TMEM132D: variants seen among roughly 807,000 people sequenced by gnomAD.
The protein encoded by TMEM132D is mature OL transmembrane protein.
Under a neutral mutation model 62.3 loss-of-function variants are expected in TMEM132D, and 21 were observed. That is an observed-to-expected ratio of 0.34 (90% confidence interval 0.24 to 0.49). The LOEUF is 0.49. Among genes scored for constraint, TMEM132D ranks in the 20% least tolerant of loss-of-function variants. The pLI is 0.99. For synonymous variants in TMEM132D, 621 were observed against 575.6 expected, an observed-to-expected ratio of 1.08 and a Z score of -1.13; for missense variants, 1,346 against 1,402.8, an observed-to-expected ratio of 0.96 and a Z score of 0.65.
At chr12:129,403,180 A>C (rs1032741079) in intron 3 of TMEM132D, among the ~76,000 whole-genome samples, 13 of 151,098 alleles carry the variant, frequency 8.6e-5, no homozygotes, top group African/African-American at 2.7e-4. Flanking sequence ...CAGAGGAAAG[A>C]GGTCCCATGA....
intron 1 of TMEM132D, among the ~76,000 whole-genome samples, chr12:129,874,011 A>AG (rs1466368333): frequency 2.0e-5 from 3 of 152,188 alleles, no homozygotes; most frequent in Non-Finnish European, 4.4e-5. Flanking sequence ...ACTAAACCTC[A>AG]GGCCCTGCTC....
At chr12:129,391,649 A>G (rs2135694300) in intron 3 of TMEM132D, among the ~76,000 whole-genome samples, 1 of 152,328 alleles carries the variant, frequency 6.6e-6, no homozygotes, top group Non-Finnish European at 1.5e-5. Context: ...CATTAAAATC[A>G]TCAGCAGTGC....
At chr12:129,148,645 A>G (rs1876981467) in intron 5 of TMEM132D, among the ~76,000 whole-genome samples, 1 of 152,210 alleles carries the variant, frequency 6.6e-6, no homozygotes, top group Non-Finnish European at 1.5e-5. Context: ...CTCTAAGATG[A>G]TAACTTTGTG....
chr12:129,245,313 G>A (rs185459227), intron 4 of TMEM132D, among the ~76,000 whole-genome samples: 1 of 152,280 alleles, frequency 6.6e-6, no homozygotes, highest in African/African-American at 2.4e-5. Flanking sequence ...ACAGTGTGTA[G>A]CTATAGCTTT....
chr12:129,095,316 T>C (rs765692603), intron 5 of TMEM132D, among the ~76,000 whole-genome samples: 1 of 149,766 alleles, frequency 6.7e-6, no homozygotes, highest in African/African-American at 2.5e-5. Flanking sequence ...GTCACTAACA[T>C]AGGCCCCTAA....
intron 4 of TMEM132D, among the ~76,000 whole-genome samples, chr12:129,335,771 T>TA (rs1407362096): frequency 5.3e-5 from 8 of 152,218 alleles, no homozygotes; most frequent in Non-Finnish European, 1.0e-4. Context: ...TCTTTCATGC[T>TA]AAAAAAGTAG....
At chr12:129,876,423 A>G (rs1874418698) in intron 1 of TMEM132D, among the ~76,000 whole-genome samples, 1 of 152,248 alleles carries the variant, frequency 6.6e-6, no homozygotes, top group South Asian at 2.1e-4. Context: ...ATGATGGCTA[A>G]GGATTATTGG....
intron 5 of TMEM132D, among the ~76,000 whole-genome samples, chr12:129,192,097 C>A (rs1001011803): frequency 2.6e-5 from 4 of 152,176 alleles, no homozygotes; most frequent in Non-Finnish European, 2.9e-5. Flanking sequence ...CACTTCTGGT[C>A]TTCACCAGGG....
intron 4 of TMEM132D, among the ~76,000 whole-genome samples, chr12:129,270,714 C>T (rs2135600660): frequency 6.6e-6 from 1 of 152,240 alleles, no homozygotes; most frequent in African/African-American, 2.4e-5. Context: ...CAAGTTAAGT[C>T]ACAAGAATTA....
chr12:129,221,933 T>C (rs4760072), intron 4 of TMEM132D, among the ~76,000 whole-genome samples: 136,801 of 152,176 alleles, frequency 0.9, 61,547 homozygotes, highest in East Asian at 0.98. Flanking sequence ...GCAATAATGC[T>C]GTGTTGCTAT....
intron 3 of TMEM132D, among the ~76,000 whole-genome samples, chr12:129,417,427 C>G (rs1352878632): frequency 6.6e-6 from 1 of 152,142 alleles, no homozygotes; most frequent in Non-Finnish European, 1.5e-5. Context: ...TTTGACAAAT[C>G]TGACAAAAAC....
At chr12:129,760,036 T>C (rs1870301126) in intron 1 of TMEM132D, among the ~76,000 whole-genome samples, 1 of 151,898 alleles carries the variant, frequency 6.6e-6, no homozygotes, top group Admixed American at 6.6e-5. Context: ...TCCTAAGAAG[T>C]TGGGGCGACA....
chr12:129,662,791 C>CAAAAA (rs34743737), intron 2 of TMEM132D, among the ~76,000 whole-genome samples: 1 of 69,408 alleles, frequency 1.4e-5, no homozygotes, highest in Non-Finnish European at 2.6e-5. Flanking sequence ...GATTCCATCT[C>CAAAAA]AAAAAAAAAA....
intron 2 of TMEM132D, among the ~76,000 whole-genome samples, chr12:129,648,578 T>G (rs375982685): frequency 1.7e-3 from 252 of 152,346 alleles, no homozygotes; most frequent in African/African-American, 5.7e-3. Flanking sequence ...TGTTTTATGC[T>G]TCTCTTGTCA....
rs1226006812 is a variant in TMEM132D at position 129,357,074 on chromosome 12, G to A, written c.1116-19257C>T. 6.6e-5 allele frequency among the ~76,000 whole-genome samples: 10 copies of A among 151,046 alleles called. 1 individual carries two copies. The South Asian group carries it at 1.9e-3, about 29-fold the overall frequency. On this transcript the variant is annotated intron_variant, in intron 3 of 8. Coordinates refer to ENST00000422113, the MANE Select transcript of TMEM132D (RefSeq NM_133448.3). ...ATCCTGGCTAACACAGTGAAACCCC[G>A]TCTCTACTAAAAAACACAAAAAGTT...
intron 3 of TMEM132D, among the ~76,000 whole-genome samples, chr12:129,439,083 C>A (rs1872870087): frequency 6.6e-6 from 1 of 152,178 alleles, no homozygotes; most frequent in Admixed American, 6.5e-5. Context: ...ACTTTCCTTG[C>A]AAGACTTTCC....
intron 5 of TMEM132D, among the ~76,000 whole-genome samples, chr12:129,157,022 A>T (rs543995046): frequency 6.6e-6 from 1 of 152,200 alleles, no homozygotes; most frequent in East Asian, 1.9e-4. Context: ...CCCACTCTTG[A>T]GATAATGAGC....
At chr12:129,615,795 C>CAAAATAAAAT (rs767430381) in intron 2 of TMEM132D, among the ~76,000 whole-genome samples, 1,407 of 139,102 alleles carry the variant, frequency 0.01, 19 homozygotes, top group Middle Eastern at 0.046. Context: ...CAAAACAAAA[C>CAAAATAAAAT]AAAATAAAAT....
At position 129,209,104 on chromosome 12, in the gene TMEM132D, G is replaced by C. The variant is rs74465231; in HGVS notation, c.1443+416C>G. Among the ~76,000 whole-genome samples, 4 of 152,178 alleles carry C rather than the reference G, an allele frequency of 2.6e-5. No individual in the cohort carries two copies. The East Asian group carries it at 7.8e-4, about 30-fold the overall frequency. On this transcript the variant is annotated intron_variant, in intron 5 of 8. Coordinates refer to ENST00000422113, the MANE Select transcript of TMEM132D (RefSeq NM_133448.3). ...CCTTATACCACCATTGATTTTACAC[G>C]AATGCTGTGTGCTATAGAATCATCC...
Sources: allele counts gnomAD v4.1 joint callset (sites outside exome capture counted in the v4.1 genomes callset), GRCh38; gene constraint gnomAD v4.1.1; transcripts MANE v1.5; gene names NCBI Gene and HGNC (gene_info 2026-07-23, HGNC 2026-07-21).